EIF4G3: variants seen among roughly 807,000 people sequenced by gnomAD.
EIF4G3 encodes the protein eIF-4-gamma 3.
Under a neutral mutation model 186.4 loss-of-function variants are expected in EIF4G3, and 34 were observed. The observed-to-expected ratio is 0.18, with a 90% CI of 0.14 to 0.24. The LOEUF (loss-of-function observed/expected upper bound fraction) is 0.24. Among genes scored for constraint, EIF4G3 ranks in the 10% least tolerant of loss-of-function variants. The pLI is 1.00. For missense variants in EIF4G3, 1,536 were observed against 1,948.5 expected, an observed-to-expected ratio of 0.79 and a Z score of 3.99; for synonymous variants, 673 against 679.5, an observed-to-expected ratio of 0.99 and a Z score of 0.15.
intron 2 of EIF4G3, among the ~76,000 whole-genome samples, chr1:21,100,853 AATGAC>A (rs2096500605): frequency 6.6e-6 from 1 of 152,166 alleles, no homozygotes; most frequent in Non-Finnish European, 1.5e-5. Flanking sequence ...GTTCTTTTTC[AATGAC>A]AGGAAAAAAG....
At position 20,900,440 on chromosome 1, in the gene EIF4G3, T is replaced by C. The variant is rs539572535; in HGVS notation, c.1753-497A>G. On this transcript the variant is annotated intron_variant, in intron 15 of 36. Transcript: ENST00000602326. ...CTCATTTTACAAAAAGGCCACTTGCTAGTTAAAATCTATTTTGTTATTCGT... is the reference window on the plus strand; with the variant it reads ...CTCATTTTACAAAAAGGCCACTTGCCAGTTAAAATCTATTTTGTTATTCGT... 2.0e-5 allele frequency among the ~76,000 whole-genome samples: 3 copies of C among 151,920 alleles called. No homozygotes were observed. In the South Asian group the frequency reaches 6.2e-4, roughly 32 times the overall value.
intron 26 of EIF4G3, among the ~76,000 whole-genome samples, chr1:20,854,037 C>T (rs2074132017): frequency 6.6e-6 from 1 of 152,142 alleles, no homozygotes; most frequent in East Asian, 1.9e-4. Flanking sequence ...GTGGGTTTTA[C>T]TGAATAATGA....
chr1:21,125,373 TAA>T (rs2097013016), intron 2 of EIF4G3, among the ~76,000 whole-genome samples: 2 of 152,270 alleles, frequency 1.3e-5, no homozygotes, highest in African/African-American at 4.8e-5. Flanking sequence ...CAACAGCCCC[TAA>T]AAGAGAAGTT....
chr1:21,063,265 G>A (rs929975033), intron 3 of EIF4G3, among the ~76,000 whole-genome samples: 4 of 152,018 alleles, frequency 2.6e-5, no homozygotes, highest in African/African-American at 7.2e-5. Flanking sequence ...AAAGTAACCA[G>A]GTCTGAGAAG....
At chr1:21,092,940 A>C (rs1004139513) in intron 2 of EIF4G3, among the ~76,000 whole-genome samples, 19 of 152,332 alleles carry the variant, frequency 1.2e-4, no homozygotes, top group Admixed American at 3.9e-4. Context: ...ACCTTACACA[A>C]AAATTAATTC....
intron 12 of EIF4G3, among the ~76,000 whole-genome samples, chr1:20,960,195 G>A (rs879421246): frequency 3.3e-5 from 5 of 152,122 alleles, no homozygotes; most frequent in Non-Finnish European, 7.4e-5. Context: ...GCCTGGGCAC[G>A]GTGGCTCATG....
chr1:21,047,475 G>A (rs1031381744), intron 4 of EIF4G3, among the ~76,000 whole-genome samples: 1 of 152,132 alleles, frequency 6.6e-6, no homozygotes, highest in Admixed American at 6.5e-5. Flanking sequence ...CCTCCCAGGA[G>A]CTCAGAGGAA....
chr1:20,942,188 T>C lies in EIF4G3; in HGVS notation c.966A>G (p.Pro322=). 3 of 1,614,168 alleles carry C rather than the reference T, an allele frequency of 1.9e-6. No individual in the cohort carries two copies. Among genetic ancestry groups the C allele is most frequent in the Admixed American group, 1.7e-5 (1 of 60,022 alleles). Residue 322 remains proline, a synonymous_variant, in exon 14 of 37, where the codon CCA becomes CCG. Transcript: ENST00000602326. ...IVSIAELPLP[P]SPTTVSSVAR... Reference sequence around the variant, plus strand: ...CAACAGAAGAAACAGTGGTAGGTGATGGAGGCAGAGGAAGCTCTGCTATGG... The same window carrying C: ...CAACAGAAGAAACAGTGGTAGGTGACGGAGGCAGAGGAAGCTCTGCTATGG...
chr1:21,029,467 G>C (rs997469671), intron 4 of EIF4G3, among the ~76,000 whole-genome samples: 1 of 151,288 alleles, frequency 6.6e-6, no homozygotes, highest in Non-Finnish European at 1.5e-5. Flanking sequence ...AATTGAGTCG[G>C]GGGGGGGAAG....
chr1:20,949,686 G>T (rs1225324674), intron 13 of EIF4G3, among the ~76,000 whole-genome samples: 1 of 152,122 alleles, frequency 6.6e-6, no homozygotes, highest in East Asian at 1.9e-4. Context: ...TATTGTTCTT[G>T]TAAAGTAATA....
intron 2 of EIF4G3, among the ~76,000 whole-genome samples, chr1:21,126,311 G>C (rs2102427000): frequency 6.6e-6 from 1 of 151,012 alleles, no homozygotes; most frequent in African/African-American, 2.4e-5. Flanking sequence ...TCTGAGGCCA[G>C]AGTCCATACT....
chr1:21,067,012 T>C (rs923200294), intron 3 of EIF4G3, among the ~76,000 whole-genome samples: 4 of 152,162 alleles, frequency 2.6e-5, no homozygotes, highest in African/African-American at 7.2e-5. Flanking sequence ...ATCCCAGAAA[T>C]TCAAAAGACA....
intron 4 of EIF4G3, among the ~76,000 whole-genome samples, chr1:21,034,320 T>C (rs761814620): frequency 1.1e-4 from 17 of 152,266 alleles, no homozygotes; most frequent in Non-Finnish European, 2.9e-5. Flanking sequence ...AATTTTTTAA[T>C]GAATGTTTTA....
chr1:20,922,047 T>C (rs2094522985), intron 14 of EIF4G3, among the ~76,000 whole-genome samples: 1 of 152,240 alleles, frequency 6.6e-6, no homozygotes, highest in Admixed American at 6.5e-5. Context: ...GGTATTGGTA[T>C]TGTCTGATAC....
chr1:21,023,383 C>T (rs1400054210), intron 4 of EIF4G3, among the ~76,000 whole-genome samples: 1 of 151,268 alleles, frequency 6.6e-6, no homozygotes, highest in Admixed American at 6.6e-5. Context: ...ATTCTCCTGC[C>T]TCAGCCTGCC....
chr1:20,865,352 G>C, intron 20 of EIF4G3, 90 bp from the exon 21 acceptor site: 1 of 1,419,228 alleles, frequency 7.0e-7, no homozygotes, highest in Non-Finnish European at 9.6e-7. Context: ...AAATAATGCT[G>C]ACTGAACCAC....
At position 21,019,495 on chromosome 1, in the gene EIF4G3, CA is replaced by C. The variant is rs201986792; in HGVS notation, c.-66-16688del. Among the ~76,000 whole-genome samples the C allele has an allele frequency of 6.6e-5, 10 of 152,256 alleles. 1 individual carries two copies. In the East Asian group the frequency reaches 1.9e-3, roughly 29 times the overall value. Reference sequence around the variant, plus strand: ...TAAAATCAACATTTAATAGTCTGCACAAAACATGATGCCTTTTTTATGTTTC... The same window carrying C: ...TAAAATCAACATTTAATAGTCTGCACAAACATGATGCCTTTTTTATGTTTC... On this transcript the variant is annotated intron_variant, in intron 4 of 36. Coordinates refer to ENST00000602326, the MANE Select transcript of EIF4G3 (RefSeq NM_001391906.1).
chr1:21,087,237 A>T (rs1324115893), intron 3 of EIF4G3, among the ~76,000 whole-genome samples: 1 of 152,160 alleles, frequency 6.6e-6, no homozygotes, highest in Non-Finnish European at 1.5e-5. Context: ...GATAGGTTTC[A>T]CTCCCTAATT....
intron 11 of EIF4G3, among the ~76,000 whole-genome samples, chr1:20,972,359 C>G (rs572488645): frequency 6.6e-6 from 1 of 152,148 alleles, no homozygotes; most frequent in South Asian, 2.1e-4. Context: ...GTTGGCCAGG[C>G]ACGGTGGCTC....
Sources: gnomAD v4.1 joint callset for allele counts (sites outside exome capture counted in the v4.1 genomes callset) on GRCh38, gnomAD v4.1.1 for gene constraint, MANE v1.5 for transcripts, NCBI Gene and HGNC (gene_info 2026-07-23, HGNC 2026-07-21) for gene names.